Variants in DSE observed in about 807,000 individuals in gnomAD.
DSE encodes the protein dermatan-sulfate epimerase.
DSE carries 36 observed loss-of-function variants against 84.4 expected under a neutral mutation model. The observed-to-expected ratio is 0.43, with a 90% CI of 0.33 to 0.56. The LOEUF is 0.56. Ranked by LOEUF, DSE falls within the 20% of genes least tolerant of loss-of-function variation. The pLI is 0.06. For missense variants in DSE, 862 were observed against 1,169.6 expected (o/e 0.74, Z 3.84); for synonymous variants, 410 against 430.1 (o/e 0.95, Z 0.58).
intron 1 of DSE, among the ~76,000 whole-genome samples, chr6:116,374,023 A>G (rs1389816336): frequency 6.6e-6 from 1 of 152,208 alleles, no homozygotes; most frequent in African/African-American, 2.4e-5. Context: ...CTCCCAAAAG[A>G]CTAGCATTTT....
intron 1 of DSE, among the ~76,000 whole-genome samples, chr6:116,378,654 A>C (rs1312758727): frequency 1.3e-5 from 2 of 152,166 alleles, no homozygotes; most frequent in Non-Finnish European, 2.9e-5. Flanking sequence ...AAATATCTAT[A>C]TTCCAGGTAT....
intron 2 of DSE, among the ~76,000 whole-genome samples, chr6:116,266,324 C>T (rs1202196283): frequency 1.3e-5 from 2 of 152,054 alleles, no homozygotes; most frequent in African/African-American, 4.8e-5. Flanking sequence ...TCTTTAAGAG[C>T]CATTTGAGGA....
intron 2 of DSE, among the ~76,000 whole-genome samples, chr6:116,349,003 G>T (rs976051935): frequency 3.9e-5 from 6 of 152,046 alleles, no homozygotes; most frequent in African/African-American, 1.4e-4. Context: ...AGCATTAGGA[G>T]ATATACCTAA....
chr6:116,442,416 C>T lies in DSE; in HGVS notation c.*5071C>T, dbSNP rs1208227698. 6.6e-6 allele frequency: 1 copy of T among 151,964 alleles called. No individual in the cohort carries two copies. The highest frequency in any genetic ancestry group is 1.5e-5 in the Non-Finnish European group (1 of 68,008). 9.4% of individuals were successfully genotyped at this position (151,964 alleles called of 1,614,324 possible). A position where few individuals can be genotyped will look rare whatever the true frequency, so the allele number is the denominator to read the frequency against. On this transcript the variant is annotated 3_prime_UTR_variant, in exon 6 of 6. Coordinates refer to ENST00000644252, the MANE Select transcript of DSE (RefSeq NM_013352.4). Reference sequence around the variant, plus strand: ...AAGTTTAAGATACTTTCTAAAAATCCAAGTGGAGATGTACCAGCCTGGAAT... The same window carrying T: ...AAGTTTAAGATACTTTCTAAAAATCTAAGTGGAGATGTACCAGCCTGGAAT...
At chr6:116,260,066 C>G (rs1228015257) in intron 2 of DSE, among the ~76,000 whole-genome samples, 1 of 152,222 alleles carries the variant, frequency 6.6e-6, no homozygotes, top group African/African-American at 2.4e-5. Context: ...AATCACCACA[C>G]TATATTCCAC....
At chr6:116,284,149 CA>C in intron 2 of DSE, among the ~76,000 whole-genome samples, 1 of 152,172 alleles carries the variant, frequency 6.6e-6, no homozygotes, top group East Asian at 1.9e-4. Flanking sequence ...ATCAAGGAAT[CA>C]TAGATTCTTT....
chr6:116,430,416 A>G (rs1237648884), intron 3 of DSE, among the ~76,000 whole-genome samples: 4 of 152,258 alleles, frequency 2.6e-5, no homozygotes, highest in African/African-American at 9.6e-5. Context: ...TAAAAATCTT[A>G]ATATACAAAT....
intron 2 of DSE, among the ~76,000 whole-genome samples, chr6:116,270,272 A>G (rs1316683376): frequency 6.6e-6 from 1 of 152,162 alleles, no homozygotes; most frequent in Non-Finnish European, 1.5e-5. Context: ...AACTGACCCA[A>G]GAGAAGTTTG....
chr6:116,400,025 A>C (rs372934152), intron 2 of DSE: 2 of 188,764 alleles, frequency 1.1e-5, no homozygotes. Flanking sequence ...AGTAGTTAAA[A>C]CATTTTGCAG....
chr6:116,310,785 C>G (rs1229364222), intron 2 of DSE, among the ~76,000 whole-genome samples: 2 of 152,224 alleles, frequency 1.3e-5, no homozygotes, highest in Non-Finnish European at 2.9e-5. Flanking sequence ...AGTCTCCTCT[C>G]TGCATACAGA....
chr6:116,287,962 C>CT (rs749391666), intron 2 of DSE: 22 of 152,170 alleles, frequency 1.4e-4, no homozygotes, highest in East Asian at 9.7e-4. Flanking sequence ...AAATTAAATA[C>CT]TTTTTTATTT....
intron 1 of DSE, among the ~76,000 whole-genome samples, chr6:116,379,414 A>AACTT (rs1780098385): frequency 6.6e-6 from 1 of 152,192 alleles, no homozygotes; most frequent in Non-Finnish European, 1.5e-5. Context: ...TATCTTAGGT[A>AACTT]AGAATGTCTT....
At chr6:116,290,616 A>C (rs1774220173) in intron 2 of DSE, among the ~76,000 whole-genome samples, 1 of 152,094 alleles carries the variant, frequency 6.6e-6, no homozygotes, top group Non-Finnish European at 1.5e-5. Flanking sequence ...ACTGTTCTAC[A>C]CTCAGGAGCA....
intron 2 of DSE, among the ~76,000 whole-genome samples, chr6:116,302,189 T>C (rs1326423788): frequency 6.6e-6 from 1 of 152,200 alleles, no homozygotes; most frequent in African/African-American, 2.4e-5. Flanking sequence ...TTTCTGTTTC[T>C]CGATCCTTGA....
At chr6:116,278,430 G>A in intron 2 of DSE, 1 of 1,568,570 alleles carries the variant, frequency 6.4e-7, no homozygotes. Flanking sequence ...AAGCACAATA[G>A]AAGGCATACT....
chr6:116,363,366 ATG>A (rs755107491), intron 2 of DSE, among the ~76,000 whole-genome samples: 30 of 120,992 alleles, frequency 2.5e-4, no homozygotes, highest in Non-Finnish European at 5.1e-4. Flanking sequence ...ATATATACAC[ATG>A]TGTGTGCTTT....
intron 2 of DSE, among the ~76,000 whole-genome samples, chr6:116,318,757 T>C (rs1388887714): frequency 6.6e-6 from 1 of 152,134 alleles, no homozygotes; most frequent in African/African-American, 2.4e-5. Context: ...TTTAAAAATA[T>C]TTTTTGGAAG....
At chr6:116,399,172 CT>C (rs752435438) in intron 1 of DSE, 25 bp from the exon 2 acceptor site, 4 of 1,590,964 alleles carry the variant, frequency 2.5e-6, no homozygotes, top group East Asian at 2.2e-5. Flanking sequence ...CTGACAGACA[CT>C]TTTTTTCCTT....
At chr6:116,303,967 G>C (rs532213568) in intron 2 of DSE, among the ~76,000 whole-genome samples, 14 of 151,862 alleles carry the variant, frequency 9.2e-5, no homozygotes, top group African/African-American at 2.4e-4. Context: ...AACCCCGTCT[G>C]TACTAAAAAT....
Sources: allele counts gnomAD v4.1 joint callset (sites outside exome capture counted in the v4.1 genomes callset), GRCh38; gene constraint gnomAD v4.1.1; transcripts MANE v1.5; gene names NCBI Gene and HGNC (gene_info 2026-07-23, HGNC 2026-07-21).